The following ARFGEF3 variants were observed in gnomAD, a reference collection of about 807,000 sequenced individuals.
The protein encoded by ARFGEF3 is ARFGEF family member 3, also known as brefeldin A-inhibited guanine nucleotide-exchange protein 3.
In ARFGEF3, 96 loss-of-function variants were observed where a neutral mutation model predicts 221.7. The observed-to-expected ratio is 0.43, with a 90% CI of 0.37 to 0.51. The LOEUF (loss-of-function observed/expected upper bound fraction) is 0.51, where lower values mean the gene tolerates loss of function less well. Ranked by LOEUF, ARFGEF3 falls within the 20% of genes least tolerant of loss-of-function variation. The pLI, the probability that ARFGEF3 is intolerant of heterozygous loss-of-function variation, is 0.00. For synonymous variants in ARFGEF3, 1,145 were observed against 1,126.8 expected, an observed-to-expected ratio of 1.02 and a Z score of -0.32; for missense variants, 2,410 against 2,789.9, an observed-to-expected ratio of 0.86 and a Z score of 3.07.
chr6:138,307,294 G>C lies in ARFGEF3; in HGVS notation c.3870G>C (p.Thr1290=). Residue 1290 remains threonine, a synonymous_variant, in exon 23 of 34, where the codon ACG becomes ACC. Coordinates refer to ENST00000251691, the MANE Select transcript of ARFGEF3 (RefSeq NM_020340.5). ...SIGELVEVCS[T]QIQSGWRPLF... is the part of the protein sequence containing the mutation. Reference sequence around the variant, plus strand: ...GTGAGCTGGTTGAAGTGTGTTCCACGCAGATCCAGTCGGGATGGAGACCCT... The same window carrying C: ...GTGAGCTGGTTGAAGTGTGTTCCACCCAGATCCAGTCGGGATGGAGACCCT... The C allele has an allele frequency of 6.2e-7, 1 of 1,613,990 alleles. No individual in the cohort carries two copies. The highest frequency in any genetic ancestry group is 1.7e-5 in the Admixed American group (1 of 60,028).
intron 12 of ARFGEF3, among the ~76,000 whole-genome samples, chr6:138,264,927 A>G (rs1296886331): frequency 6.7e-6 from 1 of 148,452 alleles, no homozygotes; most frequent in Admixed American, 6.7e-5. Flanking sequence ...TTTCTGAGAG[A>G]AAGTCTCACT....
chr6:138,289,964 T>G lies in ARFGEF3; in HGVS notation c.3043T>G (p.Phe1015Val). ...CAACCCGGACTGCTGGCCACACGTG[T>G]TCAGGTGCATGACGGGCTCCCACCC... Reference protein sequence around the residue: ...SHNPDCWPHVFRVCEYVGTLE... With the variant: ...SHNPDCWPHVVRVCEYVGTLE... The change falls in exon 18 of 34, where the codon TTC (phenylalanine) becomes GTC (valine). Residue 1015 changes from phenylalanine (F) to valine (V), a missense_variant. Phe to Val is a conservative substitution (Grantham distance 50, BLOSUM62 -1). Coordinates refer to ENST00000251691, the MANE Select transcript of ARFGEF3 (RefSeq NM_020340.5). 1.2e-6 allele frequency: 2 copies of G among 1,609,094 alleles called. No individual in the cohort carries two copies. Among genetic ancestry groups the G allele is most frequent in the Non-Finnish European group, 1.7e-6 (2 of 1,177,420 alleles).
rs1008377692 is a variant in ARFGEF3 at position 138,222,768 on chromosome 6, G to C, written c.352-7016G>C. Among the ~76,000 whole-genome samples the C allele has an allele frequency of 5.3e-5, 8 of 152,112 alleles. 1 individual carries two copies. The highest frequency in any genetic ancestry group is 1.9e-4 in the African/African-American group (8 of 41,422). ...TTAGGGGTACAAGTGGCTTTTGGTT[G>C]CATGGACAAATTGTGTAGTGGTAAA... On this transcript the variant is annotated intron_variant, in intron 4 of 33. Coordinates refer to ENST00000251691, the MANE Select transcript of ARFGEF3 (RefSeq NM_020340.5).
At chr6:138,191,807 T>C (rs1777309071) in intron 2 of ARFGEF3, among the ~76,000 whole-genome samples, 1 of 152,170 alleles carries the variant, frequency 6.6e-6, no homozygotes, top group Non-Finnish European at 1.5e-5. Flanking sequence ...TGTAGGTTCT[T>C]TTTCCTTTTT....
intron 26 of ARFGEF3, among the ~76,000 whole-genome samples, chr6:138,316,564 C>T (rs1011328970): frequency 3.3e-5 from 5 of 152,184 alleles, no homozygotes; most frequent in Non-Finnish European, 7.3e-5. Flanking sequence ...CTCTCTTCCT[C>T]TTTCTCCATA....
At position 138,286,056 on chromosome 6, in the gene ARFGEF3, A is replaced by G. The variant is rs889748068; in HGVS notation, c.2569+3A>G. Reference sequence around the variant, plus strand: ...AATTGATGACTCCACAGTGGCAGGTAATGACTTGGGTCTTGAGTTTATGAA... The same window carrying G: ...AATTGATGACTCCACAGTGGCAGGTGATGACTTGGGTCTTGAGTTTATGAA... On this transcript the variant is annotated splice_donor_region_variant and intron_variant, in intron 15 of 33. Transcript: ENST00000251691. 8 of 1,561,736 alleles carry G rather than the reference A, an allele frequency of 5.1e-6. No homozygotes were observed. Among genetic ancestry groups the G allele is most frequent in the African/African-American group, 1.3e-5 (1 of 74,076 alleles).
At position 138,250,729 on chromosome 6, in the gene ARFGEF3, C is replaced by T. The variant is rs996589621; in HGVS notation, c.666-3151C>T. Among the ~76,000 whole-genome samples, 6 of 152,208 alleles carry T rather than the reference C, an allele frequency of 3.9e-5. 1 individual carries two copies. Among genetic ancestry groups the T allele is most frequent in the African/African-American group, 7.2e-5 (3 of 41,442 alleles). ...CGCCTGAGCGTTGTTCTCCACAGAT[C>T]GTGCACCTGGGAAGAAGTTCAGTGA... On this transcript the variant is annotated intron_variant, in intron 8 of 33. Coordinates refer to ENST00000251691, the MANE Select transcript of ARFGEF3 (RefSeq NM_020340.5).
At chr6:138,233,268 A>T (rs1778225473) in intron 5 of ARFGEF3, among the ~76,000 whole-genome samples, 3 of 152,220 alleles carry the variant, frequency 2.0e-5, no homozygotes, top group Admixed American at 2.0e-4. Context: ...TTGAAAAAAC[A>T]TTGACGCTCA....
At chr6:138,304,118 A>G (rs1289008788) in intron 22 of ARFGEF3, among the ~76,000 whole-genome samples, 1 of 152,198 alleles carries the variant, frequency 6.6e-6, no homozygotes, top group Non-Finnish European at 1.5e-5. Flanking sequence ...GCTAATGAAT[A>G]TATACATTAA....
At chr6:138,170,773 T>C (rs930725615) in intron 2 of ARFGEF3, 60 bp downstream of exon 2, 8 of 961,924 alleles carry the variant, frequency 8.3e-6, no homozygotes, top group African/African-American at 1.6e-5. Flanking sequence ...AAGGCCCAGA[T>C]AACCACATTG....
At chr6:138,259,075 G>T (rs1181538912) in intron 10 of ARFGEF3, among the ~76,000 whole-genome samples, 1 of 152,206 alleles carries the variant, frequency 6.6e-6, no homozygotes, top group Admixed American at 6.5e-5. Flanking sequence ...AGGCGGTGCT[G>T]CCCCAAGGAG....
At chr6:138,327,871 A>G (rs1780154665) in intron 31 of ARFGEF3, 150 bp from the exon 32 acceptor site, 2 of 618,948 alleles carry the variant, frequency 3.2e-6, no homozygotes, top group African/African-American at 1.8e-5. Flanking sequence ...ACACATATCA[A>G]TTAACTCTCT....
At chr6:138,202,958 G>T (rs745649225) in intron 2 of ARFGEF3, among the ~76,000 whole-genome samples, 1 of 151,778 alleles carries the variant, frequency 6.6e-6, no homozygotes, top group Non-Finnish European at 1.5e-5. Context: ...TCTCTTCAAA[G>T]GCAGTCCTAG....
rs1187761263 is a variant in ARFGEF3 at position 138,317,312 on chromosome 6, A to C, written c.4407A>C (p.Pro1469=). The change falls in exon 27 of 34, where the codon CCA becomes CCC. Residue 1469 remains proline, a synonymous_variant. Transcript: ENST00000251691. The stretch of plus-strand genomic sequence containing the variant: ...TGACAGCGGCTGTGTCCAATTGTCC[A>C]CGGCAGCACCAACCACCAACTCTGG... ...EQLTAAVSNC[P]RQHQPPTLDL... 2 of 1,613,996 alleles carry C rather than the reference A, an allele frequency of 1.2e-6. No individual in the cohort carries two copies. The highest frequency in any genetic ancestry group is 3.3e-5 in the Admixed American group (2 of 60,020).
At chr6:138,213,348 C>A (rs1295546465) in intron 4 of ARFGEF3, among the ~76,000 whole-genome samples, 2 of 151,172 alleles carry the variant, frequency 1.3e-5, no homozygotes, top group African/African-American at 4.9e-5. Context: ...GTGCCAGCTG[C>A]TTGGGTTGCT....
At chr6:138,201,206 TCTA>T (rs1178952294) in intron 2 of ARFGEF3, among the ~76,000 whole-genome samples, 1 of 152,178 alleles carries the variant, frequency 6.6e-6, no homozygotes, top group African/African-American at 2.4e-5. Context: ...AGGGAACACT[TCTA>T]CACTGCTGGT....
chr6:138,329,565 G>A (rs1780186097), intron 32 of ARFGEF3, among the ~76,000 whole-genome samples: 7 of 152,218 alleles, frequency 4.6e-5, no homozygotes, highest in Admixed American at 4.6e-4. Flanking sequence ...TCAGGAGACT[G>A]AGGCAGGAGA....
intron 32 of ARFGEF3, among the ~76,000 whole-genome samples, chr6:138,329,782 G>T (rs1780191156): frequency 1.3e-5 from 2 of 152,226 alleles, no homozygotes; most frequent in South Asian, 4.1e-4. Flanking sequence ...CATTGATGTG[G>T]TTACGCCTAT....
chr6:138,264,447 G>A (rs562598330), intron 12 of ARFGEF3, among the ~76,000 whole-genome samples: 1 of 152,158 alleles, frequency 6.6e-6, no homozygotes, highest in Non-Finnish European at 1.5e-5. Context: ...CAAGTACAAG[G>A]GTCTCTTGAC....
Sources: allele counts gnomAD v4.1 joint callset (sites outside exome capture counted in the v4.1 genomes callset), GRCh38; gene constraint gnomAD v4.1.1; transcripts MANE v1.5; gene names NCBI Gene and HGNC (gene_info 2026-07-23, HGNC 2026-07-21).